The following OSBPL10 variants were observed in gnomAD, a reference collection of about 807,000 sequenced individuals.
OSBPL10 encodes oxysterol-binding protein-related protein 10.
Under a neutral mutation model 81.7 loss-of-function variants are expected in OSBPL10, and 49 were observed. The ratio of observed to expected loss-of-function variants is 0.60; its 90% confidence interval spans 0.48 to 0.76. OSBPL10 has a LOEUF of 0.76. Ranked by LOEUF, OSBPL10 falls within the 30% of genes least tolerant of loss-of-function variation. OSBPL10 has a pLI of 0.00. For missense variants in OSBPL10, 923 were observed against 987.8 expected (o/e 0.93, Z 0.88); for synonymous variants, 419 against 383.6 (o/e 1.09, Z -1.08).
intron 4 of OSBPL10, among the ~76,000 whole-genome samples, chr3:31,783,113 A>T (rs992009814): frequency 0.048 from 451 of 9,418 alleles, 2 homozygotes; most frequent in East Asian, 0.075. Flanking sequence ...TATATCTATT[A>T]TATATATATA....
At position 32,075,001 on chromosome 3, in the gene OSBPL10, C is replaced by T. The variant is rs116110555; in HGVS notation, n.185+2395G>A. ...GAACAACTGCGGGTCCCCCTCATGA[C>T]GCCAACACGACCAAAAAGAGTCATC... On this transcript the variant is annotated intron_variant and non_coding_transcript_variant, in intron 1 of 3. Coordinates refer to the OSBPL10 transcript ENST00000479173. 6.1e-3 allele frequency among the ~76,000 whole-genome samples: 928 copies of T among 152,318 alleles called. 14 individuals are homozygous for T. The highest frequency in any genetic ancestry group is 0.014 in the South Asian group (70 of 4,830).
intron 1 of OSBPL10, among the ~76,000 whole-genome samples, chr3:31,888,255 G>C (rs1695793991): frequency 6.6e-6 from 1 of 152,108 alleles, no homozygotes; most frequent in South Asian, 2.1e-4. Context: ...ATGGTGCGGG[G>C]ACAACTGGAT....
At chr3:31,738,076 G>T (rs945198839) in intron 5 of OSBPL10, among the ~76,000 whole-genome samples, 4 of 151,792 alleles carry the variant, frequency 2.6e-5, no homozygotes, top group Non-Finnish European at 4.4e-5. Flanking sequence ...GTTCCTGAAG[G>T]AGAGAGACCA....
At chr3:31,668,138 C>A (rs1189280446) in intron 10 of OSBPL10, among the ~76,000 whole-genome samples, 1 of 152,116 alleles carries the variant, frequency 6.6e-6, no homozygotes. Flanking sequence ...AAGTAGAATG[C>A]AAGATTAAAA....
chr3:32,013,787 C>T (rs957817470), intron 2 of OSBPL10, among the ~76,000 whole-genome samples: 1 of 152,148 alleles, frequency 6.6e-6, no homozygotes, highest in African/African-American at 2.4e-5. Flanking sequence ...CACAGAAATA[C>T]AAACTACCAT....
chr3:31,820,473 T>C (rs1367389988), intron 4 of OSBPL10, among the ~76,000 whole-genome samples: 1 of 151,720 alleles, frequency 6.6e-6, no homozygotes, highest in Non-Finnish European at 1.5e-5. Context: ...CGCATGCCTG[T>C]AGTCCCAGCT....
chr3:31,681,627 G>A (rs187699406), intron 8 of OSBPL10, among the ~76,000 whole-genome samples: 7 of 152,174 alleles, frequency 4.6e-5, no homozygotes, highest in Non-Finnish European at 8.8e-5. Context: ...GATCACTCTC[G>A]CACTTTGAAG....
chr3:32,020,720 A>G (rs1699356770), intron 2 of OSBPL10, among the ~76,000 whole-genome samples: 1 of 152,104 alleles, frequency 6.6e-6, no homozygotes, highest in Non-Finnish European at 1.5e-5. Context: ...CAGGAGAAAA[A>G]AAAAAAAGAA....
intron 2 of OSBPL10, among the ~76,000 whole-genome samples, chr3:32,002,274 C>T (rs1028305540): frequency 2.6e-5 from 4 of 152,142 alleles, no homozygotes; most frequent in Admixed American, 1.3e-4. Flanking sequence ...GGAACAAAGC[C>T]TACTCTGAAA....
intron 1 of OSBPL10, among the ~76,000 whole-genome samples, chr3:31,954,890 T>C (rs1018056465): frequency 4.6e-5 from 7 of 152,234 alleles, no homozygotes; most frequent in African/African-American, 1.7e-4. Flanking sequence ...AATGGATCTA[T>C]GGATGAGACA....
At chr3:31,766,315 A>G (rs1349741894) in intron 4 of OSBPL10, among the ~76,000 whole-genome samples, 1 of 146,578 alleles carries the variant, frequency 6.8e-6, no homozygotes, top group East Asian at 2.1e-4. Context: ...TGTTTGGCCC[A>G]ATGTAGTTTT....
At chr3:31,979,741 G>A (rs1698777708) in intron 1 of OSBPL10, among the ~76,000 whole-genome samples, 1 of 151,322 alleles carries the variant, frequency 6.6e-6, no homozygotes, top group Non-Finnish European at 1.5e-5. Context: ...AAAGTAAACA[G>A]TAGTGCCACA....
chr3:31,794,899 G>A, intron 4 of OSBPL10: 1 of 367,922 alleles, frequency 2.7e-6, no homozygotes, highest in Non-Finnish European at 5.4e-6. Context: ...GCAGCACATT[G>A]GAGAGAAACT....
chr3:31,946,347 T>C lies in OSBPL10; in HGVS notation c.281+34552A>G, dbSNP rs149280487. On this transcript the variant is annotated intron_variant, in intron 1 of 11. Coordinates refer to ENST00000396556, the MANE Select transcript of OSBPL10 (RefSeq NM_017784.5). The stretch of plus-strand genomic sequence containing the variant: ...ACTTTTTCAATAATAACAAAAAAAT[T>C]AGAAATCAATTAAGAATTTAAGAAA... 4.1e-3 allele frequency among the ~76,000 whole-genome samples: 623 copies of C among 150,876 alleles called. 2 individuals are homozygous for C. The highest frequency in any genetic ancestry group is 0.014 in the African/African-American group (591 of 41,084).
At chr3:31,685,604 C>T (rs764165916) in intron 7 of OSBPL10, among the ~76,000 whole-genome samples, 2 of 152,190 alleles carry the variant, frequency 1.3e-5, no homozygotes, top group Non-Finnish European at 2.9e-5. Flanking sequence ...TGCTGGGCCA[C>T]GCAGGGAACA....
At chr3:31,743,154 C>A (rs995678964) in intron 5 of OSBPL10, among the ~76,000 whole-genome samples, 5 of 151,068 alleles carry the variant, frequency 3.3e-5, no homozygotes, top group African/African-American at 1.2e-4. Context: ...GAATCTCCTG[C>A]CTCAGCCTCC....
chr3:31,934,135 T>C (rs1188812214), intron 1 of OSBPL10, among the ~76,000 whole-genome samples: 1 of 145,360 alleles, frequency 6.9e-6, no homozygotes, highest in Admixed American at 6.8e-5. Context: ...GTAAGAGGCA[T>C]AAACTAATTA....
chr3:32,040,828 C>T (rs1699567817), intron 2 of OSBPL10, among the ~76,000 whole-genome samples: 1 of 152,294 alleles, frequency 6.6e-6, no homozygotes, highest in Non-Finnish European at 1.5e-5. Flanking sequence ...CAGAGTGAGA[C>T]TCCATCTCTA....
chr3:31,668,208 A>G (rs560775479), intron 10 of OSBPL10, among the ~76,000 whole-genome samples: 2 of 152,334 alleles, frequency 1.3e-5, no homozygotes, highest in East Asian at 3.9e-4. Context: ...CTCCTACTAG[A>G]AGGACAGGGT....
Sources: gnomAD v4.1 joint callset for allele counts (sites outside exome capture counted in the v4.1 genomes callset) on GRCh38, gnomAD v4.1.1 for gene constraint, MANE v1.5 for transcripts, NCBI Gene and HGNC (gene_info 2026-07-23, HGNC 2026-07-21) for gene names.